The following SAMD3 variants were observed in gnomAD, a reference collection of about 807,000 sequenced individuals.
SAMD3 encodes sterile alpha motif domain containing 3, also known as sterile alpha motif domain-containing protein 3.
A neutral mutation model predicts 58.5 loss-of-function variants in SAMD3; 63 were observed. The ratio of observed to expected loss-of-function variants is 1.08; its 90% confidence interval spans 0.88 to 1.33. The LOEUF is 1.33. SAMD3 is among the 40% of genes most tolerant of loss of function. The pLI, the probability that SAMD3 is intolerant of heterozygous loss-of-function variation, is 0.00. For synonymous variants in SAMD3, 220 were observed against 210.3 expected (o/e 1.05, Z -0.40); for missense variants, 604 against 608.4 (o/e 0.99, Z 0.08).
chr6:130,352,508 C>T lies in SAMD3; in HGVS notation c.-304+12612G>A, dbSNP rs184911951. On this transcript the variant is annotated intron_variant, in intron 1 of 13. Transcript: ENST00000368134. The stretch of plus-strand genomic sequence containing the variant: ...TTTATGATTGCAAATTACCTCCAAT[C>T]AAAGGGACCCCAAATACCCACCTGA... 1.3e-4 allele frequency among the ~76,000 whole-genome samples: 19 copies of T among 151,496 alleles called. No individual in the cohort carries two copies. The East Asian group carries it at 3.1e-3, about 25-fold the overall frequency.
chr6:130,292,897 C>A (rs566451016), intron 2 of SAMD3, among the ~76,000 whole-genome samples: 1 of 152,080 alleles, frequency 6.6e-6, no homozygotes, highest in Admixed American at 6.5e-5. Flanking sequence ...GGATTACATG[C>A]GTGAACCACC....
At chr6:130,212,987 A>G (rs1247466075) in intron 4 of SAMD3, among the ~76,000 whole-genome samples, 3 of 152,174 alleles carry the variant, frequency 2.0e-5, no homozygotes, top group African/African-American at 2.4e-5. Flanking sequence ...AATCCTTCAA[A>G]TAAATTGGTT....
intron 1 of SAMD3, among the ~76,000 whole-genome samples, chr6:130,321,588 A>G (rs574199356): frequency 8.5e-5 from 13 of 152,194 alleles, no homozygotes; most frequent in Non-Finnish European, 1.9e-4. Flanking sequence ...TGACACATAC[A>G]ATTCCCAGTA....
At chr6:130,355,186 G>A (rs1240643618) in intron 1 of SAMD3, among the ~76,000 whole-genome samples, 1 of 152,190 alleles carries the variant, frequency 6.6e-6, no homozygotes, top group African/African-American at 2.4e-5. Context: ...CACTTTGGGA[G>A]GCCAAGGCAG....
At chr6:130,187,328 G>A (rs551485452) in intron 5 of SAMD3, among the ~76,000 whole-genome samples, 10 of 150,904 alleles carry the variant, frequency 6.6e-5, no homozygotes, top group Middle Eastern at 3.4e-3. Context: ...TTTCAGTGTC[G>A]GGGCGGAGAC....
chr6:130,262,115 C>T (rs1774162237), intron 2 of SAMD3, among the ~76,000 whole-genome samples: 1 of 151,824 alleles, frequency 6.6e-6, no homozygotes, highest in African/African-American at 2.4e-5. Context: ...AAATTTAAAA[C>T]CTGTAATTGA....
At chr6:130,349,764 C>CA (rs1033769750) in intron 1 of SAMD3, among the ~76,000 whole-genome samples, 12 of 151,680 alleles carry the variant, frequency 7.9e-5, no homozygotes, top group South Asian at 2.1e-4. Context: ...ACAGACACAA[C>CA]AAAAAAAAGA....
chr6:130,353,692 C>G (rs150716406), intron 1 of SAMD3, among the ~76,000 whole-genome samples: 1 of 152,064 alleles, frequency 6.6e-6, no homozygotes, highest in Non-Finnish European at 1.5e-5. Flanking sequence ...TTTTAGGGAG[C>G]AAAGGGACAA....
intron 2 of SAMD3, among the ~76,000 whole-genome samples, chr6:130,265,762 C>A (rs1774322600): frequency 7.4e-6 from 1 of 134,842 alleles, no homozygotes; most frequent in Non-Finnish European, 1.6e-5. Context: ...AAAGTGTTAG[C>A]CAAAACAGAA....
At chr6:130,223,773 C>CAGGA (rs1320941296), upstream of SAMD3, among the ~76,000 whole-genome samples, 2 of 152,164 alleles carry the variant, frequency 1.3e-5, no homozygotes, top group Admixed American at 6.5e-5. Flanking sequence ...GGAGCATGGG[C>CAGGA]TCCTACCCCA....
At chr6:130,240,339 C>T (rs950836265) in intron 2 of SAMD3, among the ~76,000 whole-genome samples, 1 of 152,116 alleles carries the variant, frequency 6.6e-6, no homozygotes, top group African/African-American at 2.4e-5. Context: ...AAAAGATCCA[C>T]AGGACCAAAC....
chr6:130,187,314 T>C (rs1047290783), intron 5 of SAMD3, among the ~76,000 whole-genome samples: 1 of 152,154 alleles, frequency 6.6e-6, no homozygotes, highest in Admixed American at 6.5e-5. Context: ...TCCCTCCTTT[T>C]TTTTTTCAGT....
chr6:130,312,545 C>T (rs1374726524), intron 2 of SAMD3, among the ~76,000 whole-genome samples: 2 of 152,232 alleles, frequency 1.3e-5, no homozygotes, highest in African/African-American at 4.8e-5. Context: ...AGTAATTTTA[C>T]CCCATTCAGT....
intron 2 of SAMD3, among the ~76,000 whole-genome samples, chr6:130,266,297 T>A (rs914671372): frequency 2.6e-5 from 4 of 152,314 alleles, no homozygotes; most frequent in Middle Eastern, 3.4e-3. Context: ...TCTCTCAATG[T>A]CACTTCATGT....
intron 2 of SAMD3, among the ~76,000 whole-genome samples, chr6:130,292,263 CTTTCTTTCTTT>C (rs1775389046): frequency 7.9e-6 from 1 of 125,824 alleles, no homozygotes; most frequent in Non-Finnish European, 1.7e-5. Context: ...CTTTTTTTTT[CTTTCTTTCTTT>C]TTTTTTTTTT....
At chr6:130,268,153 T>C (rs1774429278) in intron 2 of SAMD3, among the ~76,000 whole-genome samples, 1 of 152,214 alleles carries the variant, frequency 6.6e-6, no homozygotes, top group Admixed American at 6.5e-5. Flanking sequence ...TGTGGAAGCC[T>C]AGGCTGCTGT....
At chr6:130,261,122 T>C (rs1774116746) in intron 2 of SAMD3, among the ~76,000 whole-genome samples, 1 of 151,308 alleles carries the variant, frequency 6.6e-6, no homozygotes, top group Non-Finnish European at 1.5e-5. Flanking sequence ...TTTGAATTGC[T>C]TGACAGGACC....
intron 1 of SAMD3, among the ~76,000 whole-genome samples, chr6:130,337,699 G>A (rs922706507): frequency 3.9e-5 from 6 of 152,212 alleles, no homozygotes; most frequent in Admixed American, 6.5e-5. Flanking sequence ...GTCTCAGGTA[G>A]AGATGAGGAA....
At chr6:130,198,792 C>A (rs768748795) in intron 5 of SAMD3, among the ~76,000 whole-genome samples, 1 of 152,092 alleles carries the variant, frequency 6.6e-6, no homozygotes, top group African/African-American at 2.4e-5. Flanking sequence ...AGGTCAGACA[C>A]GCCAAAAATA....
Sources: allele counts gnomAD v4.1 joint callset (sites outside exome capture counted in the v4.1 genomes callset), GRCh38; gene constraint gnomAD v4.1.1; transcripts MANE v1.5; gene names NCBI Gene and HGNC (gene_info 2026-07-23, HGNC 2026-07-21).